Variants in PDE4D observed in about 807,000 individuals in gnomAD.
The protein encoded by PDE4D is phosphodiesterase 4D.
PDE4D carries 24 observed loss-of-function variants against 87.4 expected under a neutral mutation model. That is an observed-to-expected ratio of 0.27 (90% confidence interval 0.20 to 0.39). The LOEUF is 0.39. PDE4D is among the 10% of genes least tolerant of loss of function. The pLI is 1.00. For missense variants in PDE4D, 714 were observed against 1,041.0 expected (o/e 0.69, Z 4.32); for synonymous variants, 384 against 383.2 (o/e 1.00, Z -0.02).
At chr5:59,527,262 TA>T (rs1343632022) in intron 1 of PDE4D, among the ~76,000 whole-genome samples, 1 of 152,206 alleles carries the variant, frequency 6.6e-6, no homozygotes, top group East Asian at 1.9e-4. Context: ...AGCAAATGCA[TA>T]AATTTGTAAA....
intron 1 of PDE4D, among the ~76,000 whole-genome samples, chr5:59,852,333 T>C (rs1168981008): frequency 6.6e-6 from 1 of 152,108 alleles, no homozygotes; most frequent in African/African-American, 2.4e-5. Context: ...TGACATTGTG[T>C]GACTTTTGAG....
At chr5:59,948,574 G>A (rs926330227) in intron 3 of PDE4D, among the ~76,000 whole-genome samples, 4 of 152,122 alleles carry the variant, frequency 2.6e-5, no homozygotes, top group African/African-American at 9.7e-5. Flanking sequence ...AACAATTTCA[G>A]GTTAACTATT....
At chr5:60,060,483 C>A (rs1771272664) in intron 2 of PDE4D, among the ~76,000 whole-genome samples, 1 of 152,012 alleles carries the variant, frequency 6.6e-6, no homozygotes, top group South Asian at 2.1e-4. Context: ...TATACTTTAC[C>A]TACTGTTACC....
chr5:60,025,668 T>C (rs953274869), intron 2 of PDE4D, among the ~76,000 whole-genome samples: 3 of 152,036 alleles, frequency 2.0e-5, no homozygotes, highest in Non-Finnish European at 2.9e-5. Context: ...TCCTGAAAAA[T>C]ATAAATAGTA....
chr5:60,315,370 T>C (rs1426065974), intron 1 of PDE4D, among the ~76,000 whole-genome samples: 1 of 152,230 alleles, frequency 6.6e-6, no homozygotes, highest in Non-Finnish European at 1.5e-5. Context: ...GAGTTCATTG[T>C]AGATTCTGGA....
In PDE4D at chr5:59,813,147, T is replaced by C. The variant is rs1268164767; in HGVS notation, c.455+80021A>G. 2.6e-5 allele frequency among the ~76,000 whole-genome samples: 4 copies of C among 152,234 alleles called. No individual in the cohort carries two copies. The East Asian group carries it at 7.7e-4, about 29-fold the overall frequency. ...ACAATCTGTTTGGATGCTTACTTGC[T>C]GTTCTGGTTAAGCAAACCTAATGGT... On this transcript the variant is annotated intron_variant, in intron 1 of 14. Transcript: ENST00000340635.
chr5:59,789,596 C>T (rs1765558479), intron 1 of PDE4D, among the ~76,000 whole-genome samples: 1 of 152,214 alleles, frequency 6.6e-6, no homozygotes, highest in Non-Finnish European at 1.5e-5. Context: ...ATATTCCCAG[C>T]TTTATACAGG....
At chr5:60,172,898 G>A (rs1412313812) in intron 2 of PDE4D, among the ~76,000 whole-genome samples, 1 of 152,066 alleles carries the variant, frequency 6.6e-6, no homozygotes, top group Non-Finnish European at 1.5e-5. Context: ...TTATGCAAAA[G>A]AGTTTACCTT....
intron 1 of PDE4D, among the ~76,000 whole-genome samples, chr5:59,585,745 G>A (rs984766942): frequency 1.3e-4 from 20 of 152,288 alleles, no homozygotes; most frequent in Admixed American, 1.1e-3. Context: ...CACTAAGCAA[G>A]TTCTATGAGA....
intron 1 of PDE4D, among the ~76,000 whole-genome samples, chr5:59,742,089 G>T (rs1758928115): frequency 6.6e-6 from 1 of 152,054 alleles, no homozygotes; most frequent in African/African-American, 2.4e-5. Flanking sequence ...TGTGGATGGA[G>T]TTTTGCTCTT....
In PDE4D at chr5:59,257,813, T is replaced by C. The variant is rs927022134; in HGVS notation, c.456-41845A>G. On this transcript the variant is annotated intron_variant, in intron 1 of 14. Coordinates refer to ENST00000340635, the MANE Select transcript of PDE4D (RefSeq NM_001104631.2). ...AAGGGATTTACAGCAGCAGAACATT[T>C]TCAAGGGCACTTTTATGTCAGAAGC... is the stretch of plus-strand genomic sequence containing the variant. Among the ~76,000 whole-genome samples, 3 of 151,998 alleles carry C rather than the reference T, an allele frequency of 2.0e-5. No homozygotes were observed. In the South Asian group the frequency reaches 6.2e-4, roughly 31 times the overall value.
chr5:59,631,289 T>G (rs575979001), intron 1 of PDE4D, among the ~76,000 whole-genome samples: 1 of 152,172 alleles, frequency 6.6e-6, no homozygotes, highest in Non-Finnish European at 1.5e-5. Flanking sequence ...GAGAGTAGAT[T>G]TGAACCCACC....
chr5:60,304,998 T>C lies in PDE4D; in HGVS notation c.-89-119311A>G, dbSNP rs187501529. Reference sequence around the variant, plus strand: ...TTTACTTAAAATTGAGTAATATATATATATATATTTGATTCTCTAGTTATT... The same window carrying C: ...TTTACTTAAAATTGAGTAATATATACATATATATTTGATTCTCTAGTTATT... On this transcript the variant is annotated intron_variant, in intron 1 of 16. Coordinates refer to the PDE4D transcript ENST00000502484. Among the ~76,000 whole-genome samples, 1,004 of 151,410 alleles carry C rather than the reference T, an allele frequency of 6.6e-3. 7 individuals carry two copies. The highest frequency in any genetic ancestry group is 0.023 in the African/African-American group (968 of 41,242).
At chr5:60,379,949 T>C (rs1403024895) in intron 1 of PDE4D, among the ~76,000 whole-genome samples, 2 of 152,190 alleles carry the variant, frequency 1.3e-5, no homozygotes, top group Non-Finnish European at 2.9e-5. Flanking sequence ...GTACCTGGGC[T>C]CTGGAGAATT....
intron 1 of PDE4D, among the ~76,000 whole-genome samples, chr5:59,368,412 C>A (rs1296481855): frequency 6.6e-6 from 1 of 152,112 alleles, no homozygotes; most frequent in Non-Finnish European, 1.5e-5. Context: ...CGTTAGTATG[C>A]TTATGAGTGC....
chr5:60,453,343 G>C (rs1746236600), intron 1 of PDE4D, among the ~76,000 whole-genome samples: 1 of 152,030 alleles, frequency 6.6e-6, no homozygotes, highest in Admixed American at 6.6e-5. Context: ...ATACTCTTAG[G>C]ATAAGTTATT....
chr5:59,104,859 C>T (rs948826559), intron 5 of PDE4D, among the ~76,000 whole-genome samples: 2 of 152,120 alleles, frequency 1.3e-5, no homozygotes, highest in African/African-American at 2.4e-5. Context: ...TCTAACTGCA[C>T]CCAGCCTGTT....
intron 1 of PDE4D, among the ~76,000 whole-genome samples, chr5:59,316,442 A>T (rs1442172550): frequency 6.6e-6 from 1 of 152,104 alleles, no homozygotes; most frequent in Non-Finnish European, 1.5e-5. Context: ...GTTGCTATAT[A>T]CTGGGGTTGA....
intron 1 of PDE4D, chr5:59,218,045 G>C (rs974181624): frequency 8.5e-6 from 4 of 471,196 alleles, no homozygotes; most frequent in African/African-American, 3.9e-5. Flanking sequence ...GAAGGTTTTT[G>C]AAGGTATTTA....
Sources: gnomAD v4.1 joint callset for allele counts (sites outside exome capture counted in the v4.1 genomes callset) on GRCh38, gnomAD v4.1.1 for gene constraint, MANE v1.5 for transcripts, NCBI Gene and HGNC (gene_info 2026-07-23, HGNC 2026-07-21) for gene names.